FTCDNL1: variants seen among roughly 807,000 people sequenced by gnomAD.
FTCDNL1 encodes formiminotransferase N-terminal subdomain-containing protein.
In FTCDNL1, 11 loss-of-function variants were observed where a neutral mutation model predicts 5.9. The ratio of observed to expected loss-of-function variants is 1.87; its 90% confidence interval spans 1.18 to 3.10. The LOEUF (loss-of-function observed/expected upper bound fraction) is 3.10. Among genes scored for constraint, FTCDNL1 ranks in the 30% most tolerant of loss-of-function variants. The probability of loss-of-function intolerance (pLI) is 0.00; values close to 1 mark genes in which losing one functional copy is unlikely to be tolerated. For missense variants in FTCDNL1, 115 were observed against 65.5 expected (o/e 1.76, Z -2.61); for synonymous variants, 58 against 24.8 (o/e 2.34, Z -3.99).
intron 3 of FTCDNL1, among the ~76,000 whole-genome samples, chr2:199,777,007 T>C (rs896585770): frequency 2.1e-5 from 3 of 140,048 alleles, no homozygotes; most frequent in East Asian, 4.4e-4. Flanking sequence ...TGTGTGTGTA[T>C]TGAGGCCAGG....
At position 199,851,177 on chromosome 2, in the gene FTCDNL1, G is replaced by GCCGCCGCGCGTGGCCCGCGCGCAGCC. The variant is rs1559260033; in HGVS notation, c.-446_-445insGGCTGCGCGCGGGCCACGCGCGGCGG. The GCCGCCGCGCGTGGCCCGCGCGCAGCC allele has an allele frequency of 4.9e-5, 7 of 142,908 alleles. No homozygotes were observed. Among genetic ancestry groups the GCCGCCGCGCGTGGCCCGCGCGCAGCC allele is most frequent in the African/African-American group, 1.0e-4 (4 of 39,790 alleles). 8.9% of individuals were successfully genotyped at this position (142,908 alleles called of 1,614,324 possible). A position where few individuals can be genotyped will look rare whatever the true frequency, so the allele number is the denominator to read the frequency against. ...CCGCCGCGCGTGGCCCGCGCGCAGC[G>GCCGCCGCGCGTGGCCCGCGCGCAGCC]TCTGCCGCCGGCTCCGCCTCCCGGA... On this transcript the variant is annotated 5_prime_UTR_variant, in exon 1 of 5. Transcript: ENST00000420128.
In FTCDNL1 at chr2:199,848,814, A is replaced by G. The variant is rs111738686; in HGVS notation, c.115+34T>C. The G allele has an allele frequency of 1.2e-3, 849 of 700,544 alleles. 11 individuals are homozygous for G. In the African/African-American group the frequency reaches 0.013, roughly 11 times the overall value. 43.4% of individuals were successfully genotyped at this position (700,544 alleles called of 1,614,324 possible). On this transcript the variant is annotated intron_variant, in intron 2 of 4. Transcript: ENST00000420128. ...AAAATTACTAAATTATCAAAACACT[A>G]TAATATTCAGCTTCAATTGTCTGTT...
intron 3 of FTCDNL1, among the ~76,000 whole-genome samples, chr2:199,761,678 A>T (rs193021831): frequency 2.0e-5 from 3 of 152,168 alleles, no homozygotes; most frequent in Middle Eastern, 3.2e-3. Flanking sequence ...TGAGCTTGTA[A>T]GTAGGGTAAA....
chr2:199,739,321 G>A, the FTCDNL1 span, among the ~76,000 whole-genome samples: 2 of 152,106 alleles, frequency 1.3e-5, no homozygotes, highest in Non-Finnish European at 2.9e-5. Context: ...ATCAACAGGG[G>A]GCTAAAACTG....
chr2:199,677,131 C>G, the FTCDNL1 span, among the ~76,000 whole-genome samples: 2 of 152,082 alleles, frequency 1.3e-5, no homozygotes, highest in African/African-American at 4.8e-5. Flanking sequence ...CATGTGTGTA[C>G]TATGTGTGCT....
chr2:199,781,866 G>A (rs540082969), intron 3 of FTCDNL1, among the ~76,000 whole-genome samples: 7 of 152,102 alleles, frequency 4.6e-5, no homozygotes, highest in Admixed American at 1.3e-4. Context: ...TGCAAGCTCC[G>A]CCTCCCGGGT....
the FTCDNL1 span, among the ~76,000 whole-genome samples, chr2:199,730,659 G>C: frequency 6.6e-6 from 1 of 152,208 alleles, no homozygotes; most frequent in East Asian, 1.9e-4. Context: ...TCTCATGCAA[G>C]TTAGAATGGC....
At chr2:199,843,921 A>C (rs891136922) in intron 3 of FTCDNL1, among the ~76,000 whole-genome samples, 16 of 151,294 alleles carry the variant, frequency 1.1e-4, no homozygotes, top group African/African-American at 3.7e-4. Context: ...AGCTCTAAAG[A>C]AAATCTTAGA....
chr2:199,834,210 T>A (rs1203607810), intron 3 of FTCDNL1, among the ~76,000 whole-genome samples: 4 of 151,906 alleles, frequency 2.6e-5, no homozygotes, highest in Non-Finnish European at 4.4e-5. Flanking sequence ...ATGAGGAAGG[T>A]CAAGTGCAAG....
the FTCDNL1 span, among the ~76,000 whole-genome samples, chr2:199,739,277 C>T: frequency 6.6e-6 from 1 of 152,176 alleles, no homozygotes; most frequent in Admixed American, 6.5e-5. Flanking sequence ...TCCTCTTTCC[C>T]TACCCTCTAC....
Position 199,765,556 on chromosome 2 carries a change from A to ATTTTTTTTTTTTT in FTCDNL1, c.212-4734_212-4722dup, listed in dbSNP as rs374926252. The stretch of plus-strand genomic sequence containing the variant: ...ATTATATATATATATATATATATAT[A>ATTTTTTTTTTTTT]TTTTTTTTTTTTTTTTTGGAGATGG... On this transcript the variant is annotated intron_variant, in intron 3 of 3. Transcript: ENST00000416668. 1.9e-3 allele frequency among the ~76,000 whole-genome samples: 81 copies of ATTTTTTTTTTTTT among 42,654 alleles called. 2 individuals are homozygous for ATTTTTTTTTTTTT. The highest frequency in any genetic ancestry group is 4.2e-3 in the African/African-American group (66 of 15,570). The allele number at this position is 42,654 out of a possible 152,430, so 28.0% of individuals were successfully genotyped here.
intron 4 of FTCDNL1, among the ~76,000 whole-genome samples, 181 bp from the exon 5 acceptor site, chr2:199,812,905 C>A (rs1431574399): frequency 2.0e-5 from 3 of 152,094 alleles, no homozygotes; most frequent in Non-Finnish European, 4.4e-5. Context: ...CTGATGTCTT[C>A]CTGACAATTC....
At chr2:199,823,841 CT>C (rs757824943) in intron 3 of FTCDNL1, among the ~76,000 whole-genome samples, 9 of 152,214 alleles carry the variant, frequency 5.9e-5, no homozygotes, top group Admixed American at 6.5e-5. Context: ...GCATTTGCCC[CT>C]AACAAGAGAA....
intron 2 of FTCDNL1, among the ~76,000 whole-genome samples, chr2:199,847,921 T>C (rs2106634785): frequency 6.6e-6 from 1 of 152,354 alleles, no homozygotes; most frequent in African/African-American, 2.4e-5. Context: ...TCCTGCAAAG[T>C]TGCAAGACAG....
chr2:199,714,063 C>T, the FTCDNL1 span, among the ~76,000 whole-genome samples: 25 of 152,172 alleles, frequency 1.6e-4, no homozygotes, highest in Admixed American at 4.6e-4. Flanking sequence ...AATAGAGCCA[C>T]GCTTTCAAAA....
intron 3 of FTCDNL1, among the ~76,000 whole-genome samples, chr2:199,768,051 C>T (rs1698618458): frequency 1.3e-5 from 2 of 152,148 alleles, no homozygotes; most frequent in African/African-American, 4.8e-5. Flanking sequence ...CATTTCTAGG[C>T]TTGATAAGTA....
chr2:199,697,861 A>G, the FTCDNL1 span, among the ~76,000 whole-genome samples: 1 of 152,330 alleles, frequency 6.6e-6, no homozygotes, highest in East Asian at 1.9e-4. Context: ...GCAAGACCCA[A>G]CTGTATGCTG....
chr2:199,779,113 T>C (rs1441728364), intron 3 of FTCDNL1, among the ~76,000 whole-genome samples: 1 of 152,250 alleles, frequency 6.6e-6, no homozygotes, highest in African/African-American at 2.4e-5. Flanking sequence ...TTCCTTATTA[T>C]GTAAGTAAAG....
chr2:199,708,449 T>G, the FTCDNL1 span, among the ~76,000 whole-genome samples: 1 of 152,174 alleles, frequency 6.6e-6, no homozygotes, highest in East Asian at 1.9e-4. Flanking sequence ...TGTAATATTT[T>G]TATTAATACT....
Sources: allele counts gnomAD v4.1 joint callset (sites outside exome capture counted in the v4.1 genomes callset), GRCh38; gene constraint gnomAD v4.1.1; transcripts MANE v1.5; gene names NCBI Gene and HGNC (gene_info 2026-07-23, HGNC 2026-07-21).